The following NAALADL2 variants were observed in gnomAD, a reference collection of about 807,000 sequenced individuals.
NAALADL2 encodes the protein inactive N-acetylated-alpha-linked acidic dipeptidase-like protein 2.
In NAALADL2, 76 loss-of-function variants were observed where a neutral mutation model predicts 87.2. That is an observed-to-expected ratio of 0.87 (90% CI 0.72 to 1.05). The LOEUF is 1.05. Ranked by LOEUF, NAALADL2 falls within the 50% of genes least tolerant of loss-of-function variation. The pLI is 0.00. For missense variants in NAALADL2, 1,089 were observed against 945.8 expected (o/e 1.15, Z -1.99); for synonymous variants, 354 against 331.0 (o/e 1.07, Z -0.75).
intron 11 of NAALADL2, among the ~76,000 whole-genome samples, chr3:175,635,393 G>A (rs567861853): frequency 6.6e-6 from 1 of 152,034 alleles, no homozygotes; most frequent in South Asian, 2.1e-4. Flanking sequence ...AGGAAAAGAA[G>A]GCTGCTATTC....
intron 4 of NAALADL2, among the ~76,000 whole-genome samples, chr3:175,290,512 C>T (rs960280898): frequency 6.6e-6 from 1 of 152,074 alleles, no homozygotes; most frequent in Non-Finnish European, 1.5e-5. Flanking sequence ...ATGTTCTATA[C>T]TTTGACTTTG....
intron 1 of NAALADL2, among the ~76,000 whole-genome samples, chr3:174,456,554 A>G: frequency 6.6e-6 from 1 of 152,130 alleles, no homozygotes; most frequent in African/African-American, 2.4e-5. Context: ...GCCCAGAAAT[A>G]AGGCCACATA....
At chr3:174,971,882 G>C (rs1271811200) in intron 1 of NAALADL2, among the ~76,000 whole-genome samples, 3 of 152,094 alleles carry the variant, frequency 2.0e-5, no homozygotes, top group African/African-American at 4.8e-5. Context: ...ATTTTTAGTA[G>C]AGATGGATTT....
chr3:175,460,322 A>G (rs1722926588), intron 6 of NAALADL2: 5 of 395,174 alleles, frequency 1.3e-5, no homozygotes, highest in South Asian at 9.5e-5. Context: ...ATAAAACAAT[A>G]TGCATCAGGA....
At chr3:175,750,785 C>A in intron 12 of NAALADL2, among the ~76,000 whole-genome samples, 1 of 152,118 alleles carries the variant, frequency 6.6e-6, no homozygotes, top group East Asian at 1.9e-4. Context: ...GCATTTATTT[C>A]ATGTGACAAT....
chr3:175,632,495 T>C (rs1358175933), intron 11 of NAALADL2, among the ~76,000 whole-genome samples: 1 of 151,928 alleles, frequency 6.6e-6, no homozygotes, highest in African/African-American at 2.4e-5. Context: ...TGACGGTGCT[T>C]TAAAGATCAG....
chr3:174,990,029 C>G (rs1156300818), intron 1 of NAALADL2, among the ~76,000 whole-genome samples: 1 of 151,590 alleles, frequency 6.6e-6, no homozygotes, highest in Non-Finnish European at 1.5e-5. Context: ...AAGAGATTTC[C>G]TATTGAAAAA....
At chr3:175,786,888 T>C (rs958491084) in intron 13 of NAALADL2, among the ~76,000 whole-genome samples, 2 of 152,160 alleles carry the variant, frequency 1.3e-5, no homozygotes, top group African/African-American at 4.8e-5. Flanking sequence ...AGATGGGTTT[T>C]TGGTGTGGAT....
In NAALADL2 at chr3:175,576,202, A is replaced by G. The variant is rs1718862669; in HGVS notation, c.1800+15A>G. ...AAACATTAGAGGTGATTGTTCCTAAAAAATGCAAAACACACACACACAATA... is the reference window on the plus strand; with the variant it reads ...AAACATTAGAGGTGATTGTTCCTAAGAAATGCAAAACACACACACACAATA... On this transcript the variant is annotated intron_variant, in intron 10 of 13. Transcript: ENST00000454872. 1 of 1,607,980 alleles carries G rather than the reference A, an allele frequency of 6.2e-7. No homozygotes were observed. Among genetic ancestry groups the G allele is most frequent in the Non-Finnish European group, 8.5e-7 (1 of 1,177,498 alleles).
At chr3:174,781,731 A>G (rs77669382) in intron 3 of NAALADL2, among the ~76,000 whole-genome samples, 5,177 of 152,082 alleles carry the variant, frequency 0.034, 124 homozygotes, top group South Asian at 0.055. Context: ...CAAATGTTTC[A>G]TGTGTTCAGG....
At chr3:174,962,426 T>TATGTCATAGTGACTATGAC (rs1742238879) in intron 1 of NAALADL2, among the ~76,000 whole-genome samples, 7 of 143,908 alleles carry the variant, frequency 4.9e-5, no homozygotes, top group African/African-American at 1.8e-4. Context: ...TATATATATA[T>TATGTCATAGTGACTATGAC]ATATATGTAT....
intron 2 of NAALADL2, among the ~76,000 whole-genome samples, chr3:174,588,104 A>G (rs1392698987): frequency 1.3e-5 from 2 of 150,330 alleles, no homozygotes; most frequent in African/African-American, 2.4e-5. Context: ...TTCTCTTCTC[A>G]CTTCATTTCA....
At chr3:175,503,305 A>T (rs915995770) in intron 9 of NAALADL2, among the ~76,000 whole-genome samples, 3 of 152,006 alleles carry the variant, frequency 2.0e-5, no homozygotes, top group Admixed American at 2.0e-4. Flanking sequence ...TCTGTGTACC[A>T]CCTTTTCTTT....
At chr3:175,528,427 T>C (rs1183993603) in intron 9 of NAALADL2, among the ~76,000 whole-genome samples, 1 of 152,040 alleles carries the variant, frequency 6.6e-6, no homozygotes, top group Admixed American at 6.6e-5. Flanking sequence ...GCTGATTAGA[T>C]GGTGACCACC....
Position 175,021,777 on chromosome 3 carries a change from A to C in NAALADL2, c.44-75013A>C, listed in dbSNP as rs541347839. 5.7e-4 allele frequency among the ~76,000 whole-genome samples: 87 copies of C among 152,214 alleles called. 1 individual carries two copies. Among genetic ancestry groups the C allele is most frequent in the African/African-American group, 1.8e-3 (76 of 41,560 alleles). On this transcript the variant is annotated intron_variant, in intron 1 of 13. Coordinates refer to ENST00000454872, the MANE Select transcript of NAALADL2 (RefSeq NM_207015.3). ...TGCAGATATTTAAGCATTGTTTTCTAATTGATAGATTAAATGCAAAAGTCT... is the reference window on the plus strand; with the variant it reads ...TGCAGATATTTAAGCATTGTTTTCTCATTGATAGATTAAATGCAAAAGTCT...
intron 5 of NAALADL2, among the ~76,000 whole-genome samples, chr3:175,344,877 C>T (rs1026540615): frequency 1.3e-5 from 2 of 152,048 alleles, no homozygotes; most frequent in African/African-American, 4.8e-5. Flanking sequence ...CTTACAACTT[C>T]ATAACAATAA....
At chr3:175,455,503 C>A (rs1041272634) in intron 6 of NAALADL2, among the ~76,000 whole-genome samples, 1 of 151,748 alleles carries the variant, frequency 6.6e-6, no homozygotes, top group East Asian at 1.9e-4. Flanking sequence ...TTCTCATATT[C>A]GTATTATTTA....
At chr3:174,519,160 A>G (rs1720109605) in intron 1 of NAALADL2, among the ~76,000 whole-genome samples, 1 of 152,174 alleles carries the variant, frequency 6.6e-6, no homozygotes, top group South Asian at 2.1e-4. Flanking sequence ...TTTGGTAAGT[A>G]TGCTCAATAT....
At chr3:174,598,207 A>G (rs1718104391) in intron 2 of NAALADL2, among the ~76,000 whole-genome samples, 1 of 152,184 alleles carries the variant, frequency 6.6e-6, no homozygotes, top group Non-Finnish European at 1.5e-5. Context: ...AAAGATCCTA[A>G]TAAACTAAAG....
Sources: gnomAD v4.1 joint callset for allele counts (sites outside exome capture counted in the v4.1 genomes callset) on GRCh38, gnomAD v4.1.1 for gene constraint, MANE v1.5 for transcripts, NCBI Gene and HGNC (gene_info 2026-07-23, HGNC 2026-07-21) for gene names.